Variants in BNC2 observed in about 807,000 individuals in gnomAD.
BNC2 encodes zinc finger protein basonuclin-2.
In BNC2, 20 loss-of-function variants were observed where a neutral mutation model predicts 76.3. That is an observed-to-expected ratio of 0.26 (90% CI 0.18 to 0.38). The LOEUF is 0.38. Ranked by LOEUF, BNC2 falls within the 10% of genes least tolerant of loss-of-function variation. The pLI, the probability that BNC2 is intolerant of heterozygous loss-of-function variation, is 1.00. For synonymous variants in BNC2, 582 were observed against 514.8 expected (o/e 1.13, Z -1.77); for missense variants, 1,382 against 1,399.8 (o/e 0.99, Z 0.20).
At chr9:16,737,107 G>A (rs886998210) in intron 2 of BNC2, among the ~76,000 whole-genome samples, 14 of 149,862 alleles carry the variant, frequency 9.3e-5, no homozygotes, top group Middle Eastern at 3.6e-3. Flanking sequence ...TGCCCAGCTC[G>A]GCCTATTATT....
intron 3 of BNC2, among the ~76,000 whole-genome samples, chr9:16,649,381 T>C (rs1323175090): frequency 1.3e-5 from 2 of 152,194 alleles, no homozygotes; most frequent in Non-Finnish European, 2.9e-5. Context: ...TCTCAGACCC[T>C]TATAAATCAC....
chr9:16,416,948 A>C lies in BNC2; in HGVS notation c.*2041T>G, dbSNP rs1313489617. ...AAGTGAATGCTGATGTGAACATAGA[A>C]AAAATAATTACAAAAACATGAAAAA... On this transcript the variant is annotated 3_prime_UTR_variant, in exon 7 of 7. Transcript: ENST00000380672. 1 of 152,634 alleles carries C rather than the reference A, an allele frequency of 6.6e-6. No individual in the cohort carries two copies. Among genetic ancestry groups the C allele is most frequent in the African/African-American group, 2.4e-5 (1 of 41,454 alleles). 9.5% of individuals were successfully genotyped at this position (152,634 alleles called of 1,614,324 possible).
chr9:16,587,948 T>G (rs1272894713), intron 3 of BNC2, among the ~76,000 whole-genome samples: 1 of 152,158 alleles, frequency 6.6e-6, no homozygotes, highest in Non-Finnish European at 1.5e-5. Context: ...AATATTATAT[T>G]TATTGGTGTG....
rs371899414 is a variant in BNC2, at chr9:16,793,572, G to A, written c.4-55087C>T. 2.1e-4 allele frequency among the ~76,000 whole-genome samples: 32 copies of A among 151,286 alleles called. No individual in the cohort carries two copies. The East Asian group carries it at 3.7e-3, about 17-fold the overall frequency. ...CTGCTGCAGCCTCCCAAGTGGCTGG[G>A]ATTACAGGTGGGTGCCACTATGCCT... On this transcript the variant is annotated intron_variant, in intron 1 of 6. Transcript: ENST00000380672.
intron 5 of BNC2, among the ~76,000 whole-genome samples, chr9:16,506,866 C>T (rs1210993868): frequency 2.0e-5 from 3 of 152,034 alleles, no homozygotes; most frequent in African/African-American, 7.2e-5. Flanking sequence ...ATGCTCCTGC[C>T]TCAGCCTCCC....
At chr9:16,616,723 A>G (rs1820708225) in intron 3 of BNC2, among the ~76,000 whole-genome samples, 2 of 148,828 alleles carry the variant, frequency 1.3e-5, no homozygotes, top group Non-Finnish European at 3.0e-5. Context: ...AATGAATGAA[A>G]GAAAGGAAGA....
intron 1 of BNC2, among the ~76,000 whole-genome samples, chr9:16,770,199 A>T (rs1825797821): frequency 6.6e-6 from 1 of 152,152 alleles, no homozygotes; most frequent in South Asian, 2.1e-4. Flanking sequence ...CTGAACACCC[A>T]GAGATACAGG....
chr9:16,602,914 A>G (rs1820283344), intron 3 of BNC2, among the ~76,000 whole-genome samples: 2 of 152,224 alleles, frequency 1.3e-5, no homozygotes, highest in South Asian at 4.1e-4. Context: ...TCCTTGACTA[A>G]TAAAATGATA....
At chr9:16,700,114 T>G (rs574880026) in intron 3 of BNC2, among the ~76,000 whole-genome samples, 1 of 152,318 alleles carries the variant, frequency 6.6e-6, no homozygotes, top group African/African-American at 2.4e-5. Flanking sequence ...GCACCCAAAC[T>G]TTAACCTTCA....
At chr9:16,457,319 C>T (rs923003646) in intron 5 of BNC2, among the ~76,000 whole-genome samples, 4 of 152,116 alleles carry the variant, frequency 2.6e-5, no homozygotes, top group Non-Finnish European at 4.4e-5. Context: ...GACTAACTTA[C>T]TTAGGGACCT....
chr9:16,518,052 C>T (rs1258129767), intron 5 of BNC2, among the ~76,000 whole-genome samples: 1 of 152,136 alleles, frequency 6.6e-6, no homozygotes, highest in African/African-American at 2.4e-5. Context: ...AAAGAAGGGA[C>T]AATAGATGTG....
chr9:16,819,436 G>A (rs1027273648), intron 1 of BNC2, among the ~76,000 whole-genome samples: 2 of 152,186 alleles, frequency 1.3e-5, no homozygotes, highest in Non-Finnish European at 2.9e-5. Context: ...GCCAAGCTGG[G>A]TGGATCACCT....
At chr9:16,420,995 T>C (rs1587007775) in intron 6 of BNC2, among the ~76,000 whole-genome samples, 3 of 152,302 alleles carry the variant, frequency 2.0e-5, no homozygotes, top group Admixed American at 2.0e-4. Flanking sequence ...GTAATTGTGA[T>C]AAAAGAAATG....
At chr9:16,713,013 TC>T (rs1447693203) in intron 3 of BNC2, among the ~76,000 whole-genome samples, 1 of 152,218 alleles carries the variant, frequency 6.6e-6, no homozygotes, top group Non-Finnish European at 1.5e-5. Context: ...GGAATTCCTT[TC>T]CCTAAGAAGA....
In BNC2 at chr9:16,436,937, G is replaced by A. The variant is rs777934455; in HGVS notation, c.1257C>T (p.His419=). Residue 419 remains histidine (H), a synonymous_variant, in exon 6 of 7, where the codon CAC becomes CAT. Coordinates refer to ENST00000380672, the MANE Select transcript of BNC2 (RefSeq NM_017637.6). Reference sequence around the variant, plus strand: ...GATGAATCCGGAATGAGCTTTTTGGGTGTTCAGTTTTGGTTAGATCACTGA... The same window carrying A: ...GATGAATCCGGAATGAGCTTTTTGGATGTTCAGTTTTGGTTAGATCACTGA... ...APVSDLTKTE[H]PKSSFRIHRM... is the part of the protein sequence containing the mutation. 6.8e-5 allele frequency: 109 copies of A among 1,614,012 alleles called. 1 individual carries two copies. Among genetic ancestry groups the A allele is most frequent in the Non-Finnish European group, 8.9e-5 (105 of 1,180,042 alleles).
intron 1 of BNC2, among the ~76,000 whole-genome samples, chr9:16,770,908 C>T (rs948651176): frequency 1.3e-5 from 2 of 152,172 alleles, no homozygotes; most frequent in South Asian, 2.1e-4. Flanking sequence ...CGGTGGCTCA[C>T]GCCTATAATC....
chr9:16,688,137 A>G (rs1823031040), intron 3 of BNC2, among the ~76,000 whole-genome samples: 1 of 152,196 alleles, frequency 6.6e-6, no homozygotes, highest in Non-Finnish European at 1.5e-5. Flanking sequence ...TGAACGGTTC[A>G]TGGTCTAAAA....
At chr9:16,597,552 G>T (rs571221149) in intron 3 of BNC2, among the ~76,000 whole-genome samples, 21 of 152,156 alleles carry the variant, frequency 1.4e-4, no homozygotes, top group African/African-American at 5.1e-4. Context: ...CTGCCCTTTT[G>T]ATGTAGGTTA....
chr9:16,566,644 T>C (rs187607471), intron 4 of BNC2, among the ~76,000 whole-genome samples: 325 of 152,300 alleles, frequency 2.1e-3, no homozygotes, highest in Non-Finnish European at 1.5e-3. Flanking sequence ...TGAATCATAA[T>C]ACACAGACTT....
Sources: allele counts gnomAD v4.1 joint callset (sites outside exome capture counted in the v4.1 genomes callset), GRCh38; gene constraint gnomAD v4.1.1; transcripts MANE v1.5; gene names NCBI Gene and HGNC (gene_info 2026-07-23, HGNC 2026-07-21).